GRAMD2B: variants seen among roughly 807,000 people sequenced by gnomAD.
GRAMD2B encodes GRAM domain-containing protein 2B.
GRAMD2B carries 41 observed loss-of-function variants against 59.2 expected under a neutral mutation model. The observed-to-expected ratio is 0.69, with a 90% CI of 0.54 to 0.90. GRAMD2B has a LOEUF of 0.90. GRAMD2B is among the 40% of genes least tolerant of loss of function. The pLI, the probability that GRAMD2B is intolerant of heterozygous loss-of-function variation, is 0.00. For synonymous variants in GRAMD2B, 161 were observed against 182.7 expected (o/e 0.88, Z 0.96); for missense variants, 424 against 500.5 (o/e 0.85, Z 1.46).
In GRAMD2B at chr5:126,484,510, G is replaced by C; in HGVS notation, c.956G>C (p.Ser319Thr). The change falls in exon 10 of 14, where the codon AGT (serine) becomes ACT (threonine). Residue 319 changes from serine to threonine, a missense_variant. Physicochemically the swap from Ser to Thr is moderately conservative, Grantham distance 58. Coordinates refer to ENST00000285689, the MANE Select transcript of GRAMD2B (RefSeq NM_023927.4). ...VNRVPEGKAK[S>T]LPVQGLSETV... ...AGAGTACCTGAAGGAAAAGCCAAGAGTCTCCCTGTACAGGGTAAGGAATGG... is the reference window on the plus strand; with the variant it reads ...AGAGTACCTGAAGGAAAAGCCAAGACTCTCCCTGTACAGGGTAAGGAATGG... The C allele has an allele frequency of 1.2e-6, 2 of 1,613,920 alleles. No homozygotes were observed.
chr5:126,485,686 G>T lies in GRAMD2B; in HGVS notation c.971G>T (p.Gly324Val), dbSNP rs1279246150. The T allele has an allele frequency of 1.9e-6, 3 of 1,604,960 alleles. No individual in the cohort carries two copies. The highest frequency in any genetic ancestry group is 2.6e-6 in the Non-Finnish European group (3 of 1,173,234). Residue 324 changes from glycine to valine, a missense_variant and splice_region_variant, in exon 11 of 14, where the codon GGT (glycine) becomes GTT (valine). By Grantham distance (109) the Gly-to-Val change is moderately radical (BLOSUM62 -3). Transcript: ENST00000285689. ...TTGTTTTTTGTTTTCCTCCCAACAGGTCTGTCAGAAACTGTTGGAATCTTA... is the reference window on the plus strand; with the variant it reads ...TTGTTTTTTGTTTTCCTCCCAACAGTTCTGTCAGAAACTGTTGGAATCTTA... ...EGKAKSLPVQ[G>V]LSETVGILHK...
In GRAMD2B at chr5:126,489,007, A is replaced by G. The variant is rs1464724947; in HGVS notation, c.1257+115A>G. The G allele has an allele frequency of 6.5e-6, 4 of 619,492 alleles. No homozygotes were observed. In the East Asian group the frequency reaches 1.2e-4, roughly 18 times the overall value. 38.4% of individuals were successfully genotyped at this position (619,492 alleles called of 1,614,324 possible). On this transcript the variant is annotated intron_variant, in intron 13 of 13. Coordinates refer to ENST00000285689, the MANE Select transcript of GRAMD2B (RefSeq NM_023927.4). The stretch of plus-strand genomic sequence containing the variant: ...CGTTAGTGTGCCGCAATAAACCTAC[A>G]TGATCAACCCTGGCTAGGGGCTTTT...
intron 1 of GRAMD2B, among the ~76,000 whole-genome samples, chr5:126,425,258 T>A (rs1353012484): frequency 6.6e-6 from 1 of 152,082 alleles, no homozygotes; most frequent in African/African-American, 2.4e-5. Flanking sequence ...GATAAGAAAA[T>A]GTGCTATATA....
At chr5:126,381,621 G>A (rs1755665507) in intron 1 of GRAMD2B, among the ~76,000 whole-genome samples, 1 of 152,164 alleles carries the variant, frequency 6.6e-6, no homozygotes, top group African/African-American at 2.4e-5. Flanking sequence ...CAGATACTTG[G>A]TTAGTGACAT....
intron 1 of GRAMD2B, among the ~76,000 whole-genome samples, chr5:126,427,119 T>C (rs1172239621): frequency 6.6e-6 from 1 of 152,224 alleles, no homozygotes; most frequent in Non-Finnish European, 1.5e-5. Flanking sequence ...AACTTTTGTT[T>C]GTTTGTTTGT....
chr5:126,371,469 T>G (rs765813256), exon 1 of GRAMD2B: 2 of 1,289,152 alleles, frequency 1.6e-6, no homozygotes, highest in South Asian at 2.5e-5. Context: ...TGCCTTCTAG[T>G]GACACGGTGT....
At chr5:126,397,711 C>T (rs1174798694) in intron 1 of GRAMD2B, among the ~76,000 whole-genome samples, 3 of 152,052 alleles carry the variant, frequency 2.0e-5, no homozygotes, top group Admixed American at 1.3e-4. Flanking sequence ...ACCTTGCATC[C>T]CAGGAATAAA....
chr5:126,382,175 T>G (rs1236413307), intron 1 of GRAMD2B, among the ~76,000 whole-genome samples: 2 of 152,220 alleles, frequency 1.3e-5, no homozygotes, highest in Non-Finnish European at 2.9e-5. Flanking sequence ...CCTAGTCGAT[T>G]ATCTTTTTGT....
At chr5:126,397,564 T>G (rs1366075464) in intron 1 of GRAMD2B, among the ~76,000 whole-genome samples, 1 of 152,184 alleles carries the variant, frequency 6.6e-6, no homozygotes, top group Non-Finnish European at 1.5e-5. Flanking sequence ...ATATATTTTA[T>G]TGACAGTTTT....
upstream of GRAMD2B, among the ~76,000 whole-genome samples, chr5:126,368,033 G>A (rs1430168947): frequency 6.6e-6 from 1 of 152,182 alleles, no homozygotes; most frequent in East Asian, 1.9e-4. Flanking sequence ...TTACAGGCGT[G>A]AGCCACCGCG....
chr5:126,450,384 T>A (rs1465761535), intron 1 of GRAMD2B, among the ~76,000 whole-genome samples: 4 of 150,826 alleles, frequency 2.7e-5, no homozygotes, highest in Non-Finnish European at 5.9e-5. Flanking sequence ...CATAATATAT[T>A]CTCTCTCTCT....
At chr5:126,443,635 A>G (rs1763665997) in intron 1 of GRAMD2B, among the ~76,000 whole-genome samples, 1 of 152,168 alleles carries the variant, frequency 6.6e-6, no homozygotes, top group Admixed American at 6.5e-5. Context: ...TTTCCTGGAC[A>G]ATAGTTTTCT....
At chr5:126,383,770 A>G (rs1561465023) in intron 1 of GRAMD2B, among the ~76,000 whole-genome samples, 1 of 152,204 alleles carries the variant, frequency 6.6e-6, no homozygotes, top group Non-Finnish European at 1.5e-5. Flanking sequence ...GGCTATTTTC[A>G]AAAATCAAAC....
intron 1 of GRAMD2B, chr5:126,462,496 A>C: frequency 1.0e-6 from 1 of 966,400 alleles, no homozygotes; most frequent in Non-Finnish European, 1.2e-6. Context: ...AACTTGCTTG[A>C]GCCTGTAGCA....
Position 126,381,159 on chromosome 5 carries a change from A to T in GRAMD2B, c.125+9592A>T, listed in dbSNP as rs569744690. Reference sequence around the variant, plus strand: ...TTTTTCTGCATCTATGGAGATGATCATGTGATTTTTGTTTTTAATTCTGTT... The same window carrying T: ...TTTTTCTGCATCTATGGAGATGATCTTGTGATTTTTGTTTTTAATTCTGTT... On this transcript the variant is annotated intron_variant, in intron 1 of 8. Coordinates refer to the GRAMD2B transcript ENST00000506445. Among the ~76,000 whole-genome samples the T allele has an allele frequency of 2.0e-5, 3 of 152,284 alleles. No individual in the cohort carries two copies. The East Asian group carries it at 5.8e-4, about 29-fold the overall frequency.
intron 2 of GRAMD2B, among the ~76,000 whole-genome samples, chr5:126,466,566 C>A (rs1581167385): frequency 6.6e-6 from 1 of 152,138 alleles, no homozygotes; most frequent in Non-Finnish European, 1.5e-5. Context: ...GCTGGGCCTA[C>A]AGGCATGCAC....
chr5:126,470,862 C>T (rs1262638670), intron 3 of GRAMD2B, among the ~76,000 whole-genome samples: 1 of 152,166 alleles, frequency 6.6e-6, no homozygotes, highest in East Asian at 1.9e-4. Context: ...ACTCAGCCTG[C>T]TATGTCCCTT....
At chr5:126,465,874 T>C (rs979145109) in intron 2 of GRAMD2B, among the ~76,000 whole-genome samples, 1 of 152,000 alleles carries the variant, frequency 6.6e-6, no homozygotes, top group African/African-American at 2.4e-5. Flanking sequence ...TGTGCACACC[T>C]GGTGTCTCAC....
chr5:126,423,412 C>CG lies in GRAMD2B; in HGVS notation c.-194dup. On this transcript the variant is annotated 5_prime_UTR_variant, in exon 1 of 14. Coordinates refer to ENST00000285689, the MANE Select transcript of GRAMD2B (RefSeq NM_023927.4). ...CTTTTCCACAGTGGGTCGGACCAATCGCGCCCGCTCCGACGTGTCCAGGTC... is the reference window on the plus strand; with the variant it reads ...CTTTTCCACAGTGGGTCGGACCAATCGGCGCCCGCTCCGACGTGTCCAGGTC... 7.3e-7 allele frequency: 1 copy of CG among 1,372,244 alleles called. No homozygotes were observed. Among genetic ancestry groups the CG allele is most frequent in the Non-Finnish European group, 9.4e-7 (1 of 1,067,784 alleles). The allele number at this position is 1,372,244 out of a possible 1,614,324, so 85.0% of individuals were successfully genotyped here.
Sources: allele counts gnomAD v4.1 joint callset (sites outside exome capture counted in the v4.1 genomes callset), GRCh38; gene constraint gnomAD v4.1.1; transcripts MANE v1.5; gene names NCBI Gene and HGNC (gene_info 2026-07-23, HGNC 2026-07-21).